ELAVL2: variants seen among roughly 807,000 people sequenced by gnomAD.
ELAVL2 encodes ELAV like RNA binding protein 2.
Under a neutral mutation model 34.6 loss-of-function variants are expected in ELAVL2, and 4 were observed. That is an observed-to-expected ratio of 0.12 (90% CI 0.06 to 0.26). The LOEUF is 0.26. Among genes scored for constraint, ELAVL2 ranks in the 10% least tolerant of loss-of-function variants. The pLI is 1.00. For synonymous variants in ELAVL2, 193 were observed against 154.8 expected, an observed-to-expected ratio of 1.25 and a Z score of -1.83; for missense variants, 432 against 442.8, an observed-to-expected ratio of 0.98 and a Z score of 0.22.
chr9:23,745,451 A>G (rs1298851181), intron 2 of ELAVL2, among the ~76,000 whole-genome samples: 4 of 152,182 alleles, frequency 2.6e-5, no homozygotes. Flanking sequence ...AGGTGTACAC[A>G]AACATCTTAA....
Position 23,704,791 on chromosome 9 carries a change from G to A in ELAVL2, c.487+127C>T, listed in dbSNP as rs894097924. ...TTATGAACAATTCCAGCAGAAAATT[G>A]CATTTTCTGGCCCACATATACCTTT... On this transcript the variant is annotated intron_variant, in intron 4 of 6. Coordinates refer to ENST00000397312, the MANE Select transcript of ELAVL2 (RefSeq NM_004432.5). 2.5e-6 allele frequency: 3 copies of A among 1,188,308 alleles called. No homozygotes were observed. The African/African-American group carries it at 4.6e-5, about 18-fold the overall frequency. The allele number at this position is 1,188,308 out of a possible 1,614,324, so 73.6% of individuals were successfully genotyped here.
intron 5 of ELAVL2, among the ~76,000 whole-genome samples, chr9:23,698,289 T>C (rs538657244): frequency 6.6e-6 from 1 of 152,344 alleles, no homozygotes; most frequent in Admixed American, 6.5e-5. Flanking sequence ...AAATAAGGCT[T>C]GTCCTATTTT....
At chr9:23,800,074 C>A (rs968890920) in intron 1 of ELAVL2, among the ~76,000 whole-genome samples, 1 of 152,136 alleles carries the variant, frequency 6.6e-6, no homozygotes, top group African/African-American at 2.4e-5. Flanking sequence ...CCTAAAATAA[C>A]CTCATTAAGG....
rs1554720169 is a variant in ELAVL2 at position 23,759,789 on chromosome 9, T to TAA, written c.229+2215_229+2216dup. Among the ~76,000 whole-genome samples, 906 of 106,346 alleles carry TAA rather than the reference T, an allele frequency of 8.5e-3. 13 individuals are homozygous for TAA. Among genetic ancestry groups the TAA allele is most frequent in the Non-Finnish European group, 0.013 (610 of 47,962 alleles). The allele number at this position is 106,346 out of a possible 152,430, so 69.8% of individuals were successfully genotyped here. On this transcript the variant is annotated intron_variant, in intron 2 of 6. Transcript: ENST00000397312. ...ATATATATATATATATATATATATA[T>TAA]AATGTATAGAAACGTCTTACATCTT...
intron 3 of ELAVL2, among the ~76,000 whole-genome samples, chr9:23,712,805 C>T (rs1312006197): frequency 2.0e-5 from 3 of 152,170 alleles, no homozygotes; most frequent in Non-Finnish European, 2.9e-5. Context: ...AACTTAAAGG[C>T]GACCTAGGAA....
intron 1 of ELAVL2, among the ~76,000 whole-genome samples, chr9:23,773,168 G>A (rs2057609234): frequency 6.6e-6 from 1 of 152,144 alleles, no homozygotes; most frequent in South Asian, 2.1e-4. Flanking sequence ...AGTATCTCAA[G>A]GAAATGTCTT....
chr9:23,748,517 T>C (rs924289762), intron 2 of ELAVL2, among the ~76,000 whole-genome samples: 3 of 152,074 alleles, frequency 2.0e-5, no homozygotes, highest in African/African-American at 7.2e-5. Flanking sequence ...AACTGCCTCT[T>C]CCTCCAGGTA....
chr9:23,830,624 A>ACACACACACACACACC (rs34847005), upstream of ELAVL2, among the ~76,000 whole-genome samples: 76 of 124,064 alleles, frequency 6.1e-4, no homozygotes, highest in Middle Eastern at 8.8e-3. Flanking sequence ...ACACACACAC[A>ACACACACACACACACC]CCTTTTTTTT....
At chr9:23,831,087 T>C (rs1403507871), upstream of ELAVL2, among the ~76,000 whole-genome samples, 1 of 152,118 alleles carries the variant, frequency 6.6e-6, no homozygotes, top group Admixed American at 6.5e-5. Context: ...TCTCAGCTGA[T>C]AGTAATCAGT....
chr9:23,731,734 G>A (rs576288012), intron 2 of ELAVL2, among the ~76,000 whole-genome samples: 1 of 152,128 alleles, frequency 6.6e-6, no homozygotes, highest in South Asian at 2.1e-4. Context: ...ATAAGAACAG[G>A]AAAATATGAA....
intron 5 of ELAVL2, among the ~76,000 whole-genome samples, chr9:23,697,718 G>A (rs141734312): frequency 1.1e-3 from 165 of 152,038 alleles, no homozygotes; most frequent in African/African-American, 3.8e-3. Context: ...TAAAGTACCT[G>A]CCTAATTTCT....
chr9:23,746,085 T>C (rs1156258533), intron 2 of ELAVL2, among the ~76,000 whole-genome samples: 1 of 152,140 alleles, frequency 6.6e-6, no homozygotes, highest in Non-Finnish European at 1.5e-5. Context: ...AAATTCAAAC[T>C]TTGCTTTCCT....
At chr9:23,751,737 C>G (rs927067969) in intron 2 of ELAVL2, among the ~76,000 whole-genome samples, 2 of 152,154 alleles carry the variant, frequency 1.3e-5, no homozygotes, top group Non-Finnish European at 2.9e-5. Context: ...TGCTGACCTT[C>G]GAAAGCCCAG....
chr9:23,790,379 T>C (rs1442930593), intron 1 of ELAVL2, among the ~76,000 whole-genome samples: 1 of 152,228 alleles, frequency 6.6e-6, no homozygotes, highest in East Asian at 1.9e-4. Flanking sequence ...TCCCAGTCTG[T>C]GACTGCACAG....
At chr9:23,755,776 G>T (rs1391666993) in intron 2 of ELAVL2, among the ~76,000 whole-genome samples, 1 of 152,032 alleles carries the variant, frequency 6.6e-6, no homozygotes, top group African/African-American at 2.4e-5. Flanking sequence ...TAATTAAATA[G>T]CATACAGAGT....
chr9:23,746,632 T>A (rs1328292313), intron 2 of ELAVL2, among the ~76,000 whole-genome samples: 3 of 152,042 alleles, frequency 2.0e-5, no homozygotes, highest in Non-Finnish European at 4.4e-5. Context: ...ACTGGCTGCT[T>A]GCCTATAGGC....
chr9:23,823,234 AG>A (rs2065055599), intron 1 of ELAVL2, among the ~76,000 whole-genome samples: 1 of 152,220 alleles, frequency 6.6e-6, no homozygotes, highest in Non-Finnish European at 1.5e-5. Context: ...CTCAGTAAAT[AG>A]TTAATTATAA....
Position 23,690,962 on chromosome 9 carries a change from T to TATTTATG in ELAVL2, c.*1588_*1594dup. The TATTTATG allele has an allele frequency of 6.5e-6, 1 of 152,738 alleles. No homozygotes were observed. The highest frequency in any genetic ancestry group is 3.4e-3 in the Middle Eastern group (1 of 294). The allele number at this position is 152,738 out of a possible 1,614,324, so 9.5% of individuals were successfully genotyped here. A position where few individuals can be genotyped will look rare whatever the true frequency, so the allele number is the denominator to read the frequency against. On this transcript the variant is annotated 3_prime_UTR_variant, in exon 7 of 7. Coordinates refer to ENST00000397312, the MANE Select transcript of ELAVL2 (RefSeq NM_004432.5). ...AAGTTAAATTTCAATAGCATACAGA[T>TATTTATG]ATTTATGATTTTTGTATGAAAAATG...
intron 3 of ELAVL2, among the ~76,000 whole-genome samples, chr9:23,716,735 ATTAAT>A (rs1373128317): frequency 3.3e-5 from 5 of 152,234 alleles, no homozygotes; most frequent in African/African-American, 9.6e-5. Flanking sequence ...TATCCACTTT[ATTAAT>A]TTATTTTATG....
Sources: allele counts gnomAD v4.1 joint callset (sites outside exome capture counted in the v4.1 genomes callset), GRCh38; gene constraint gnomAD v4.1.1; transcripts MANE v1.5; gene names NCBI Gene and HGNC (gene_info 2026-07-23, HGNC 2026-07-21).